ARHGAP24: variants seen among roughly 807,000 people sequenced by gnomAD.
ARHGAP24 encodes the protein rho GTPase-activating protein 24.
ARHGAP24 carries 50 observed loss-of-function variants against 76.4 expected under a neutral mutation model. The observed-to-expected ratio is 0.65, with a 90% CI of 0.52 to 0.83. The LOEUF (loss-of-function observed/expected upper bound fraction) is 0.83. ARHGAP24 is among the 40% of genes least tolerant of loss of function. ARHGAP24 has a pLI of 0.00. For synonymous variants in ARHGAP24, 345 were observed against 323.3 expected (o/e 1.07, Z -0.72); for missense variants, 930 against 914.2 (o/e 1.02, Z -0.22).
intron 2 of ARHGAP24, among the ~76,000 whole-genome samples, chr4:85,626,589 A>C (rs573479590): frequency 6.6e-6 from 1 of 152,098 alleles, no homozygotes; most frequent in Admixed American, 6.5e-5. Context: ...ATTTTGTGGC[A>C]TTCTCTGTAT....
intron 3 of ARHGAP24, among the ~76,000 whole-genome samples, chr4:85,848,471 A>C (rs35114569): frequency 0.11 from 17,408 of 152,162 alleles, 1,001 homozygotes; most frequent in Middle Eastern, 0.14. Flanking sequence ...GCTCAGAACG[A>C]TGGTTTCCAA....
intron 2 of ARHGAP24, among the ~76,000 whole-genome samples, chr4:85,668,370 A>G (rs1202085806): frequency 6.6e-6 from 1 of 152,236 alleles, no homozygotes; most frequent in Non-Finnish European, 1.5e-5. Flanking sequence ...TACTGGGTGC[A>G]GGCACTTAGC....
rs574405787 is a variant in ARHGAP24 at position 85,757,988 on chromosome 4, C to T, written c.268+36016C>T. The stretch of plus-strand genomic sequence containing the variant: ...GCCAGTGATGATGAGCATTTTTTCA[C>T]GTGTCTGTTGGCTAATGCAACCAAT... On this transcript the variant is annotated intron_variant, in intron 3 of 9. Transcript: ENST00000395184. 4.7e-4 allele frequency among the ~76,000 whole-genome samples: 72 copies of T among 152,006 alleles called. No homozygotes were observed. The East Asian group carries it at 5.0e-3, about 11-fold the overall frequency.
At chr4:85,618,211 T>C (rs1342186458) in intron 2 of ARHGAP24, among the ~76,000 whole-genome samples, 2 of 152,180 alleles carry the variant, frequency 1.3e-5, no homozygotes, top group Non-Finnish European at 2.9e-5. Flanking sequence ...TCGACTTCTT[T>C]AGATTTTTCA....
chr4:85,721,826 G>A (rs1055688403), intron 2 of ARHGAP24, 59 bp from the exon 3 acceptor site: 53 of 1,396,472 alleles, frequency 3.8e-5, no homozygotes, highest in Admixed American at 6.8e-5. Flanking sequence ...TGATTATAAT[G>A]ATGATATATG....
At chr4:85,916,274 T>C (rs193100780) in intron 3 of ARHGAP24, among the ~76,000 whole-genome samples, 1 of 152,156 alleles carries the variant, frequency 6.6e-6, no homozygotes, top group Non-Finnish European at 1.5e-5. Context: ...TTTTTTCTCT[T>C]GTAGTTTATT....
chr4:85,607,785 TGG>T (rs748662066), intron 2 of ARHGAP24, among the ~76,000 whole-genome samples: 36,959 of 146,280 alleles, frequency 0.25, 5,304 homozygotes, highest in East Asian at 0.75. Context: ...GCCCAGGTGT[TGG>T]AGCCATAGCT....
At chr4:85,778,667 G>A (rs1476836697) in intron 3 of ARHGAP24, 2 of 984,124 alleles carry the variant, frequency 2.0e-6, no homozygotes, top group Non-Finnish European at 2.4e-6. Context: ...TTTCCTTGTA[G>A]GTTTTTTTTC....
At chr4:85,829,819 T>A (rs1729898872) in intron 3 of ARHGAP24, among the ~76,000 whole-genome samples, 1 of 152,228 alleles carries the variant, frequency 6.6e-6, no homozygotes, top group Admixed American at 6.5e-5. Context: ...GAACCCATGG[T>A]CAGCTTCTAT....
At chr4:85,939,901 TAA>T (rs35519913) in intron 4 of ARHGAP24, among the ~76,000 whole-genome samples, 28 of 147,732 alleles carry the variant, frequency 1.9e-4, no homozygotes, top group Non-Finnish European at 2.4e-4. Context: ...AAATCGAAAG[TAA>T]AAAAAAAAAA....
At chr4:85,687,003 A>G (rs1386990710) in intron 2 of ARHGAP24, among the ~76,000 whole-genome samples, 2 of 152,056 alleles carry the variant, frequency 1.3e-5, no homozygotes, top group African/African-American at 4.8e-5. Flanking sequence ...CCTTGTCAAT[A>G]TTGGCATGGG....
At chr4:85,550,116 C>T (rs191445619) in intron 1 of ARHGAP24, among the ~76,000 whole-genome samples, 1 of 152,262 alleles carries the variant, frequency 6.6e-6, no homozygotes, top group East Asian at 1.9e-4. Flanking sequence ...TGGGTATGTA[C>T]TCAATAATGG....
At chr4:85,802,219 T>C (rs1160749940) in intron 3 of ARHGAP24, among the ~76,000 whole-genome samples, 1 of 152,134 alleles carries the variant, frequency 6.6e-6, no homozygotes, top group Admixed American at 6.6e-5. Flanking sequence ...ACTTTACCTC[T>C]CATAATCTCG....
intron 3 of ARHGAP24, among the ~76,000 whole-genome samples, chr4:85,817,423 A>G (rs930601428): frequency 1.3e-5 from 2 of 152,098 alleles, no homozygotes; most frequent in African/African-American, 2.4e-5. Flanking sequence ...ATTTCAAGGA[A>G]TTTTTGTATG....
At chr4:85,753,418 A>G (rs1043104005) in intron 3 of ARHGAP24, among the ~76,000 whole-genome samples, 25 of 152,176 alleles carry the variant, frequency 1.6e-4, no homozygotes, top group African/African-American at 6.0e-4. Flanking sequence ...ATTCTGTAGG[A>G]CCTTCATTTC....
chr4:85,733,897 G>A (rs1005611860), intron 3 of ARHGAP24, among the ~76,000 whole-genome samples: 1 of 152,208 alleles, frequency 6.6e-6, no homozygotes, highest in Non-Finnish European at 1.5e-5. Flanking sequence ...TTCCTTGTAT[G>A]TATTTTGGGG....
intron 1 of ARHGAP24, among the ~76,000 whole-genome samples, chr4:85,525,257 CTT>C (rs34087239): frequency 4.9e-4 from 63 of 128,248 alleles, no homozygotes; most frequent in Non-Finnish European, 7.7e-4. Context: ...GTATTATCGG[CTT>C]TTTTTTTTTT....
At chr4:85,624,558 G>A (rs1000488607) in intron 2 of ARHGAP24, among the ~76,000 whole-genome samples, 3 of 152,096 alleles carry the variant, frequency 2.0e-5, no homozygotes, top group South Asian at 2.1e-4. Flanking sequence ...TTTTTTGGTT[G>A]TGTCTCTGCC....
chr4:85,541,343 CG>C (rs1396666674), intron 1 of ARHGAP24, among the ~76,000 whole-genome samples: 2 of 127,494 alleles, frequency 1.6e-5, no homozygotes, highest in Non-Finnish European at 3.0e-5. Context: ...TTAGTAGAGA[CG>C]GGGTTTCACC....
Sources: allele counts gnomAD v4.1 joint callset (sites outside exome capture counted in the v4.1 genomes callset), GRCh38; gene constraint gnomAD v4.1.1; transcripts MANE v1.5; gene names NCBI Gene and HGNC (gene_info 2026-07-23, HGNC 2026-07-21).